Variants in TRABD2B observed in about 807,000 individuals in gnomAD.
TRABD2B encodes TraB domain containing 2B.
A neutral mutation model predicts 40.1 loss-of-function variants in TRABD2B; 14 were observed. That is an observed-to-expected ratio of 0.35 (90% confidence interval 0.23 to 0.55). TRABD2B has a LOEUF of 0.55. TRABD2B is among the 20% of genes least tolerant of loss of function. The pLI is 0.90. For missense variants in TRABD2B, 541 were observed against 648.6 expected, an observed-to-expected ratio of 0.83 and a Z score of 1.80; for synonymous variants, 263 against 277.0, an observed-to-expected ratio of 0.95 and a Z score of 0.50.
intron 2 of TRABD2B, among the ~76,000 whole-genome samples, chr1:47,816,531 A>G (rs759891001): frequency 1.1e-4 from 17 of 152,142 alleles, no homozygotes; most frequent in Non-Finnish European, 1.8e-4. Flanking sequence ...ACCTTTGCAC[A>G]TGCTGGTCCT....
intron 2 of TRABD2B, among the ~76,000 whole-genome samples, chr1:47,863,323 T>TAA (rs1199780618): frequency 2.3e-5 from 3 of 131,916 alleles, no homozygotes; most frequent in African/African-American, 5.6e-5. Flanking sequence ...AATATAAATA[T>TAA]ATATATATAT....
At chr1:47,961,290 A>G (rs990604212) in intron 2 of TRABD2B, among the ~76,000 whole-genome samples, 8 of 152,342 alleles carry the variant, frequency 5.3e-5, no homozygotes, top group African/African-American at 1.9e-4. Context: ...ACCATTCAGG[A>G]CATAGGCATG....
chr1:47,895,703 G>T (rs1423782584), intron 2 of TRABD2B, among the ~76,000 whole-genome samples: 1 of 152,222 alleles, frequency 6.6e-6, no homozygotes, highest in Non-Finnish European at 1.5e-5. Flanking sequence ...AGGGAGGTTG[G>T]ATTAAAAGTC....
chr1:47,837,822 G>C (rs1225521017), intron 2 of TRABD2B, among the ~76,000 whole-genome samples: 2 of 152,162 alleles, frequency 1.3e-5, no homozygotes, highest in Admixed American at 6.5e-5. Context: ...CCCCTTCCAT[G>C]GGTTTCCTCA....
At chr1:47,895,631 C>T (rs930469595) in intron 2 of TRABD2B, among the ~76,000 whole-genome samples, 2 of 152,236 alleles carry the variant, frequency 1.3e-5, no homozygotes, top group Non-Finnish European at 2.9e-5. Context: ...CCTGGCTTGG[C>T]TGCAGGGCCC....
chr1:47,886,350 C>T (rs1644370677), intron 2 of TRABD2B, among the ~76,000 whole-genome samples: 1 of 152,216 alleles, frequency 6.6e-6, no homozygotes, highest in African/African-American at 2.4e-5. Flanking sequence ...TTGGCCGTTC[C>T]ACTCGGCTCG....
intron 2 of TRABD2B, among the ~76,000 whole-genome samples, chr1:47,837,007 C>T (rs1254697182): frequency 2.0e-5 from 3 of 152,204 alleles, no homozygotes; most frequent in Non-Finnish European, 4.4e-5. Flanking sequence ...TCTGGGGTCC[C>T]CCAAAGCCTG....
At chr1:47,909,562 GA>G (rs1557651141) in intron 2 of TRABD2B, among the ~76,000 whole-genome samples, 3 of 2,996 alleles carry the variant, frequency 1.0e-3, no homozygotes, top group Non-Finnish European at 0.02. Flanking sequence ...AAGGAAGAAG[GA>G]GGAGGAGGAG....
chr1:47,781,213 A>G (rs1644517172), intron 4 of TRABD2B, among the ~76,000 whole-genome samples: 1 of 152,182 alleles, frequency 6.6e-6, no homozygotes, highest in Admixed American at 6.5e-5. Flanking sequence ...CTGGCAGCAA[A>G]GGCAACTCCT....
chr1:47,947,743 A>G (rs1464554883), intron 2 of TRABD2B, among the ~76,000 whole-genome samples: 3 of 152,234 alleles, frequency 2.0e-5, no homozygotes, highest in Non-Finnish European at 4.4e-5. Context: ...AGCAGAGCTG[A>G]CATGCACTAA....
intron 4 of TRABD2B, among the ~76,000 whole-genome samples, chr1:47,784,008 T>G (rs1191914734): frequency 6.6e-6 from 1 of 152,210 alleles, no homozygotes; most frequent in Non-Finnish European, 1.5e-5. Flanking sequence ...CCTCTATGAT[T>G]CCTTCGTTTG....
At chr1:47,828,513 A>G (rs1251054650) in intron 2 of TRABD2B, among the ~76,000 whole-genome samples, 1 of 152,226 alleles carries the variant, frequency 6.6e-6, no homozygotes, top group Non-Finnish European at 1.5e-5. Flanking sequence ...TTTGAGGAAC[A>G]TATGACCTAC....
At chr1:47,784,080 C>G (rs560381013) in intron 4 of TRABD2B, among the ~76,000 whole-genome samples, 1 of 152,296 alleles carries the variant, frequency 6.6e-6, no homozygotes, top group East Asian at 1.9e-4. Flanking sequence ...TCTCAAACGT[C>G]ATTTCATTTC....
chr1:47,791,583 G>A (rs1056711047), intron 4 of TRABD2B, among the ~76,000 whole-genome samples: 19 of 152,264 alleles, frequency 1.2e-4, no homozygotes, highest in East Asian at 1.9e-4. Context: ...CCCACTGCCC[G>A]GCAGTCCGGG....
chr1:47,917,895 G>C (rs1354496022), intron 2 of TRABD2B, among the ~76,000 whole-genome samples: 1 of 152,204 alleles, frequency 6.6e-6, no homozygotes, highest in Non-Finnish European at 1.5e-5. Flanking sequence ...GGTTGGCTGG[G>C]TTTGGTTGGT....
chr1:47,791,715 T>C (rs1644675902), intron 4 of TRABD2B, among the ~76,000 whole-genome samples: 1 of 152,152 alleles, frequency 6.6e-6, no homozygotes, highest in Non-Finnish European at 1.5e-5. Context: ...TGTCACCAGA[T>C]GTGGGACTCA....
At chr1:47,855,046 G>A (rs1643877199) in intron 2 of TRABD2B, among the ~76,000 whole-genome samples, 1 of 152,186 alleles carries the variant, frequency 6.6e-6, no homozygotes, top group South Asian at 2.1e-4. Flanking sequence ...AGAGTACCTT[G>A]GCACTGAGCT....
intron 2 of TRABD2B, among the ~76,000 whole-genome samples, chr1:47,828,769 C>T (rs1393583701): frequency 6.6e-6 from 1 of 152,214 alleles, no homozygotes; most frequent in African/African-American, 2.4e-5. Flanking sequence ...CAACATTAAG[C>T]ACCCACACCC....
At position 47,763,946 on chromosome 1, in the gene TRABD2B, T is replaced by A. The variant is rs1402975188; in HGVS notation, c.*1956A>T. On this transcript the variant is annotated 3_prime_UTR_variant, in exon 7 of 7. Coordinates refer to ENST00000606738, the MANE Select transcript of TRABD2B (RefSeq NM_001194986.2). ...TTGAGGTCAAGTTCAGTTTAGAGCA[T>A]GGTGCCCACAGGGCTGGCTGGGCCC... is the stretch of plus-strand genomic sequence containing the variant. 1 of 152,278 alleles carries A rather than the reference T, an allele frequency of 6.6e-6. No homozygotes were observed. The highest frequency in any genetic ancestry group is 1.5e-5 in the Non-Finnish European group (1 of 68,070). The allele number at this position is 152,278 out of a possible 1,614,324, so 9.4% of individuals were successfully genotyped here.
Sources: allele counts gnomAD v4.1 joint callset (sites outside exome capture counted in the v4.1 genomes callset), GRCh38; gene constraint gnomAD v4.1.1; transcripts MANE v1.5; gene names NCBI Gene and HGNC (gene_info 2026-07-23, HGNC 2026-07-21).